Variants in ASAP2 observed in about 807,000 individuals in gnomAD.
ASAP2 encodes the protein arf-GAP with SH3 domain, ANK repeat and PH domain-containing protein 2.
ASAP2 carries 45 observed loss-of-function variants against 131.4 expected under a neutral mutation model. That is an observed-to-expected ratio of 0.34 (90% CI 0.27 to 0.44). ASAP2 has a LOEUF of 0.44. Among genes scored for constraint, ASAP2 ranks in the 20% least tolerant of loss-of-function variants. The pLI is 1.00. For missense variants in ASAP2, 1,011 were observed against 1,297.0 expected (o/e 0.78, Z 3.39); for synonymous variants, 510 against 503.0 (o/e 1.01, Z -0.19).
At chr2:9,238,571 T>C (rs1231524683) in intron 1 of ASAP2, among the ~76,000 whole-genome samples, 1 of 152,190 alleles carries the variant, frequency 6.6e-6, no homozygotes, top group Admixed American at 6.5e-5. Context: ...TCCCTGGAGA[T>C]GGAAAACCAT....
chr2:9,301,100 G>T (rs1307235822), intron 3 of ASAP2, among the ~76,000 whole-genome samples: 1 of 152,142 alleles, frequency 6.6e-6, no homozygotes, highest in Non-Finnish European at 1.5e-5. Context: ...CCTGTTTTTG[G>T]TCACATCTGG....
At chr2:9,339,835 C>A (rs1671458106) in intron 9 of ASAP2, among the ~76,000 whole-genome samples, 1 of 152,204 alleles carries the variant, frequency 6.6e-6, no homozygotes, top group Non-Finnish European at 1.5e-5. Context: ...CTGCCTCTCA[C>A]CCACCTCTCT....
chr2:9,404,240 C>G lies in ASAP2; in HGVS notation c.*913C>G, dbSNP rs138342574. On this transcript the variant is annotated 3_prime_UTR_variant, in exon 28 of 28. Transcript: ENST00000281419. ...AGTGTACCACTGCCTTCCCTTCTAG[C>G]CCAGGAGAATGTTTACTCAGTTTAG... 6.0e-4 allele frequency: 91 copies of G among 152,294 alleles called. No individual in the cohort carries two copies. Among genetic ancestry groups the G allele is most frequent in the African/African-American group, 2.0e-3 (85 of 41,564 alleles). 9.4% of individuals were successfully genotyped at this position (152,294 alleles called of 1,614,324 possible).
At chr2:9,385,761 C>T (rs898376785) in intron 21 of ASAP2, among the ~76,000 whole-genome samples, 4 of 152,192 alleles carry the variant, frequency 2.6e-5, no homozygotes, top group African/African-American at 4.8e-5. Context: ...AATCATCAGA[C>T]GACCTTTAGA....
intron 1 of ASAP2, among the ~76,000 whole-genome samples, chr2:9,235,971 T>C (rs956871307): frequency 2.6e-5 from 4 of 151,984 alleles, no homozygotes; most frequent in African/African-American, 9.7e-5. Flanking sequence ...GGGACTGGGG[T>C]GCTGGTGGCA....
At chr2:9,346,385 G>T (rs1431282446) in intron 11 of ASAP2, among the ~76,000 whole-genome samples, 1 of 148,922 alleles carries the variant, frequency 6.7e-6, no homozygotes, top group Non-Finnish European at 1.5e-5. Context: ...GTGGTGAGCC[G>T]ATATCACGCC....
chr2:9,323,035 A>C, intron 5 of ASAP2, 86 bp from the exon 6 acceptor site: 1 of 1,542,192 alleles, frequency 6.5e-7, no homozygotes, highest in Admixed American at 1.8e-5. Flanking sequence ...TGGTCTCGCC[A>C]GGCTGGGTAC....
rs117169111 is a variant in ASAP2 at position 9,217,331 on chromosome 2, A to G, written c.126+10101A>G. On this transcript the variant is annotated intron_variant, in intron 1 of 27. Coordinates refer to ENST00000281419, the MANE Select transcript of ASAP2 (RefSeq NM_003887.3). This position sits in a 1 kb window ranked among gnomAD's most constrained non-coding sequence, Gnocchi z 4.0. The stretch of plus-strand genomic sequence containing the variant: ...GAAATTGTTCTTCTTTCCTCTCCTC[A>G]CTGCTCTGCTGACATGCCCAGCCCC... 0.024 allele frequency among the ~76,000 whole-genome samples: 3,710 copies of G among 151,894 alleles called. 102 individuals carry two copies. The highest frequency in any genetic ancestry group is 0.087 in the Admixed American group (1,335 of 15,262).
At chr2:9,226,569 T>C (rs549063924) in intron 1 of ASAP2, among the ~76,000 whole-genome samples, 1 of 152,080 alleles carries the variant, frequency 6.6e-6, no homozygotes, top group East Asian at 1.9e-4. Context: ...AAAGGGGGAG[T>C]TGGGAGGAAG....
chr2:9,210,791 G>C lies in ASAP2; in HGVS notation c.126+3561G>C, dbSNP rs535187684. ...GGATGGTCGATGGTCTAGATCTCCT[G>C]ACCTTGTGATCCGCCCGCCTTGGCC... On this transcript the variant is annotated intron_variant, in intron 1 of 27. Coordinates refer to ENST00000281419, the MANE Select transcript of ASAP2 (RefSeq NM_003887.3). Among the ~76,000 whole-genome samples, 757 of 152,052 alleles carry C rather than the reference G, an allele frequency of 5.0e-3. 6 individuals carry two copies. The highest frequency in any genetic ancestry group is 0.017 in the African/African-American group (706 of 41,510).
At chr2:9,321,757 G>A (rs963158845) in intron 5 of ASAP2, among the ~76,000 whole-genome samples, 1 of 152,100 alleles carries the variant, frequency 6.6e-6, no homozygotes, top group African/African-American at 2.4e-5. Context: ...TTTGGAAGAA[G>A]GATAACATCA....
At chr2:9,225,420 G>T (rs1159597824) in intron 1 of ASAP2, among the ~76,000 whole-genome samples, 1 of 152,144 alleles carries the variant, frequency 6.6e-6, no homozygotes, top group East Asian at 1.9e-4. Flanking sequence ...GGGACCTGCT[G>T]CTGGTAGAAG....
chr2:9,266,824 C>T lies in ASAP2; in HGVS notation c.127-12493C>T, dbSNP rs560040095. Among the ~76,000 whole-genome samples the T allele has an allele frequency of 5.3e-5, 8 of 152,302 alleles. No individual in the cohort carries two copies. The South Asian group carries it at 1.5e-3, about 28-fold the overall frequency. ...ACCACCTCCCAGAGTTAGTGGGAAGCGCCTGATGCTGGGGAGAAAAGCCCG... is the reference window on the plus strand; with the variant it reads ...ACCACCTCCCAGAGTTAGTGGGAAGTGCCTGATGCTGGGGAGAAAAGCCCG... On this transcript the variant is annotated intron_variant, in intron 1 of 27. Transcript: ENST00000281419.
intron 1 of ASAP2, among the ~76,000 whole-genome samples, chr2:9,237,747 C>T (rs374116513): frequency 6.6e-6 from 1 of 152,126 alleles, no homozygotes; most frequent in East Asian, 1.9e-4. Flanking sequence ...AGATTCTGAG[C>T]GACCAGGAGA....
chr2:9,294,288 C>T lies in ASAP2; in HGVS notation c.200-3012C>T, dbSNP rs548738446. Reference sequence around the variant, plus strand: ...TGCTGGGATTACAGGTGTGAGCCACCGTGTCCGGCCACTAATTTTTTTAAA... The same window carrying T: ...TGCTGGGATTACAGGTGTGAGCCACTGTGTCCGGCCACTAATTTTTTTAAA... On this transcript the variant is annotated intron_variant, in intron 2 of 27. Transcript: ENST00000281419. 1.4e-4 allele frequency among the ~76,000 whole-genome samples: 21 copies of T among 152,144 alleles called. No homozygotes were observed. The East Asian group carries it at 1.7e-3, about 13-fold the overall frequency.
intron 3 of ASAP2, among the ~76,000 whole-genome samples, chr2:9,309,081 G>GC (rs1007822715): frequency 2.5e-4 from 38 of 152,112 alleles, no homozygotes; most frequent in Admixed American, 2.4e-3. Flanking sequence ...GTGGCTCTCT[G>GC]CCCCGCCTCC....
At chr2:9,353,778 C>A (rs1672506644) in intron 12 of ASAP2, among the ~76,000 whole-genome samples, 1 of 152,014 alleles carries the variant, frequency 6.6e-6, no homozygotes, top group African/African-American at 2.4e-5. Context: ...GTTCCTTTAC[C>A]ATCCTTGCTC....
chr2:9,264,195 AAATAATAAT>A (rs70948813), intron 1 of ASAP2, among the ~76,000 whole-genome samples: 1 of 141,872 alleles, frequency 7.0e-6, no homozygotes, highest in Non-Finnish European at 1.5e-5. Context: ...TGTCTCAAAA[AAATAATAAT>A]AATAATAATA....
chr2:9,328,696 C>T (rs991204397), intron 7 of ASAP2, among the ~76,000 whole-genome samples: 3 of 152,268 alleles, frequency 2.0e-5, no homozygotes, highest in African/African-American at 7.2e-5. Flanking sequence ...GCTTCTGCTC[C>T]TCGACCCCCA....
Sources: allele counts gnomAD v4.1 joint callset (sites outside exome capture counted in the v4.1 genomes callset), GRCh38; gene constraint gnomAD v4.1.1; non-coding constraint Gnocchi (gnomAD v3.1); transcripts MANE v1.5; gene names NCBI Gene and HGNC (gene_info 2026-07-23, HGNC 2026-07-21).